TENM3: variants seen among roughly 807,000 people sequenced by gnomAD.
TENM3 encodes the protein teneurin transmembrane protein 3, also known as teneurin-3.
A neutral mutation model predicts 255.1 loss-of-function variants in TENM3; 63 were observed. That is an observed-to-expected ratio of 0.25 (90% CI 0.20 to 0.30). The LOEUF (loss-of-function observed/expected upper bound fraction) is 0.30. TENM3 is among the 10% of genes least tolerant of loss of function. The probability of loss-of-function intolerance (pLI) is 1.00; values close to 1 mark genes in which losing one functional copy is unlikely to be tolerated. For missense variants in TENM3, 2,929 were observed against 3,461.1 expected (o/e 0.85, Z 3.86); for synonymous variants, 1,306 against 1,322.3 (o/e 0.99, Z 0.27).
At chr4:181,618,356 T>C in the TENM3 span, among the ~76,000 whole-genome samples, 1 of 152,204 alleles carries the variant, frequency 6.6e-6, no homozygotes, top group African/African-American at 2.4e-5. Context: ...CTTTCTAAGA[T>C]GACTGGAACT....
chr4:182,665,942 A>G (rs993939556), intron 6 of TENM3, among the ~76,000 whole-genome samples: 4 of 152,156 alleles, frequency 2.6e-5, no homozygotes, highest in South Asian at 2.1e-4. Context: ...TCTAGATGCT[A>G]TTAAGAACAT....
At chr4:181,984,284 A>G in the TENM3 span, among the ~76,000 whole-genome samples, 1 of 152,142 alleles carries the variant, frequency 6.6e-6, no homozygotes, top group East Asian at 1.9e-4. Context: ...AAATAAATGT[A>G]TGCACCAAAA....
At chr4:181,945,857 G>A in the TENM3 span, among the ~76,000 whole-genome samples, 6 of 151,936 alleles carry the variant, frequency 3.9e-5, no homozygotes, top group East Asian at 9.7e-4. Context: ...CTATGCCTAC[G>A]TATACACTCA....
chr4:182,592,128 CTTTT>C (rs77448760), intron 3 of TENM3, among the ~76,000 whole-genome samples: 20 of 137,622 alleles, frequency 1.5e-4, no homozygotes, highest in Non-Finnish European at 1.9e-4. Context: ...TTCTTTTCTT[CTTTT>C]TTTTTTTTTT....
intron 1 of TENM3, among the ~76,000 whole-genome samples, chr4:182,314,896 A>G (rs1762662095): frequency 6.6e-6 from 1 of 152,088 alleles, no homozygotes; most frequent in South Asian, 2.1e-4. Context: ...TTATGCTTCC[A>G]TTTTTAAAAT....
intron 3 of TENM3, among the ~76,000 whole-genome samples, chr4:182,569,967 G>A (rs1744196677): frequency 6.6e-6 from 1 of 152,314 alleles, no homozygotes; most frequent in Non-Finnish European, 1.5e-5. Context: ...TAAATAAAAT[G>A]TATCACTAAA....
the TENM3 span, among the ~76,000 whole-genome samples, chr4:181,637,930 T>C: frequency 1.3e-5 from 2 of 152,066 alleles, no homozygotes; most frequent in Non-Finnish European, 2.9e-5. Flanking sequence ...GATGGGTGCA[T>C]AGGAATGACA....
At chr4:181,641,951 T>C in the TENM3 span, among the ~76,000 whole-genome samples, 6 of 150,176 alleles carry the variant, frequency 4.0e-5, no homozygotes, top group African/African-American at 1.5e-4. Flanking sequence ...TGTGTCTTTA[T>C]AGTAGAATGA....
chr4:181,919,706 G>C, the TENM3 span, among the ~76,000 whole-genome samples: 2 of 151,922 alleles, frequency 1.3e-5, no homozygotes, highest in East Asian at 3.9e-4. Flanking sequence ...TGTTCACTAT[G>C]AAATACAGAA....
intron 3 of TENM3, among the ~76,000 whole-genome samples, chr4:182,437,839 C>A (rs1026627154): frequency 6.6e-6 from 1 of 151,522 alleles, no homozygotes; most frequent in Admixed American, 6.6e-5. Context: ...GTAGTCCCAG[C>A]TACTCCAGAG....
chr4:182,249,507 A>G (rs554634210), intron 1 of TENM3, among the ~76,000 whole-genome samples: 13 of 152,298 alleles, frequency 8.5e-5, no homozygotes, highest in African/African-American at 2.6e-4. Context: ...GGAAAACACA[A>G]TGGTGGACCA....
chr4:182,368,696 A>T (rs1311104166), intron 3 of TENM3, among the ~76,000 whole-genome samples: 1 of 152,126 alleles, frequency 6.6e-6, no homozygotes, highest in Non-Finnish European at 1.5e-5. Flanking sequence ...ATGTAAAGGG[A>T]TCTATTTGGA....
the TENM3 span, among the ~76,000 whole-genome samples, chr4:181,552,819 C>G: frequency 2.6e-5 from 4 of 152,188 alleles, no homozygotes; most frequent in African/African-American, 9.7e-5. Context: ...GGAAGTCTTT[C>G]CGTATTCCAA....
intron 3 of TENM3, among the ~76,000 whole-genome samples, chr4:182,400,951 T>A (rs1159567244): frequency 6.6e-6 from 1 of 152,216 alleles, no homozygotes; most frequent in Non-Finnish European, 1.5e-5. Context: ...ATTTGACTTT[T>A]GATAAATATA....
chr4:182,730,048 G>A (rs1330100202), intron 14 of TENM3, among the ~76,000 whole-genome samples, 152 bp from the exon 15 acceptor site: 2 of 152,232 alleles, frequency 1.3e-5, no homozygotes, highest in Non-Finnish European at 2.9e-5. Context: ...AAGGGACATT[G>A]TCTTGGGAGT....
intron 6 of TENM3, among the ~76,000 whole-genome samples, chr4:182,672,364 C>T (rs1246839938): frequency 6.6e-6 from 1 of 152,074 alleles, no homozygotes; most frequent in African/African-American, 2.4e-5. Flanking sequence ...AAATGAGGCT[C>T]AAAAGAAAGA....
At chr4:182,428,421 G>A (rs906119570) in intron 3 of TENM3, among the ~76,000 whole-genome samples, 2 of 151,848 alleles carry the variant, frequency 1.3e-5, no homozygotes, top group Non-Finnish European at 1.5e-5. Flanking sequence ...TCCTGCTTAC[G>A]CCACCACTGC....
At chr4:181,829,826 C>T in the TENM3 span, 1 of 152,278 alleles carries the variant, frequency 6.6e-6, no homozygotes, top group African/African-American at 2.4e-5. Context: ...CCCTGAGTTT[C>T]CCCAGAGTGA....
the TENM3 span, among the ~76,000 whole-genome samples, chr4:181,678,899 G>A: frequency 6.7e-6 from 1 of 148,716 alleles, no homozygotes. Context: ...ACCAATAAAA[G>A]CTGTAAATAA....
Sources: allele counts gnomAD v4.1 joint callset (sites outside exome capture counted in the v4.1 genomes callset), GRCh38; gene constraint gnomAD v4.1.1; transcripts MANE v1.5; gene names NCBI Gene and HGNC (gene_info 2026-07-23, HGNC 2026-07-21).